COMMD10: variants seen among roughly 807,000 people sequenced by gnomAD.
COMMD10 encodes COMM domain containing 10, also known as COMM domain-containing protein 10.
A neutral mutation model predicts 28.9 loss-of-function variants in COMMD10; 33 were observed. The ratio of observed to expected loss-of-function variants is 1.14; its 90% CI spans 0.87 to 1.53. The LOEUF is 1.53. Among genes scored for constraint, COMMD10 ranks in the 40% most tolerant of loss-of-function variants. The pLI is 0.00. For synonymous variants in COMMD10, 110 were observed against 81.7 expected, an observed-to-expected ratio of 1.35 and a Z score of -1.87; for missense variants, 310 against 233.4, an observed-to-expected ratio of 1.33 and a Z score of -2.14.
chr5:116,160,607 AG>A (rs1202423173), intron 5 of COMMD10, among the ~76,000 whole-genome samples: 1 of 151,736 alleles, frequency 6.6e-6, no homozygotes, highest in African/African-American at 2.4e-5. Context: ...AGCCTAAGGA[AG>A]AACTGCTATC....
At chr5:116,241,698 C>T (rs559029221) in intron 5 of COMMD10, among the ~76,000 whole-genome samples, 258 of 151,896 alleles carry the variant, frequency 1.7e-3, no homozygotes, top group African/African-American at 5.8e-3. Context: ...CTGAATGCTC[C>T]GCCTCCCGGG....
intron 5 of COMMD10, among the ~76,000 whole-genome samples, chr5:116,186,773 A>G (rs1203312298): frequency 2.6e-5 from 4 of 152,300 alleles, no homozygotes; most frequent in African/African-American, 9.6e-5. Flanking sequence ...AGTTCAGTGC[A>G]TCAGTTGTGT....
intron 4 of COMMD10, among the ~76,000 whole-genome samples, chr5:116,104,512 C>T (rs1363203685): frequency 4.6e-5 from 7 of 152,130 alleles, no homozygotes; most frequent in Admixed American, 4.6e-4. Flanking sequence ...TGAGACTTTG[C>T]TGAAGTTGCT....
At chr5:116,226,990 G>A (rs184786189) in intron 5 of COMMD10, among the ~76,000 whole-genome samples, 3 of 152,054 alleles carry the variant, frequency 2.0e-5, no homozygotes, top group Admixed American at 1.3e-4. Context: ...CCCCAGGCCC[G>A]AAGTGTAGAT....
chr5:116,272,538 C>G (rs1236216440), intron 5 of COMMD10, among the ~76,000 whole-genome samples: 1 of 151,828 alleles, frequency 6.6e-6, no homozygotes, highest in Non-Finnish European at 1.5e-5. Flanking sequence ...TCCCAGAACA[C>G]TGTTGCCATA....
At chr5:116,216,483 GTCA>G (rs1749103258) in intron 5 of COMMD10, among the ~76,000 whole-genome samples, 1 of 152,134 alleles carries the variant, frequency 6.6e-6, no homozygotes, top group Non-Finnish European at 1.5e-5. Flanking sequence ...AAACATTACA[GTCA>G]TCAGCAGATG....
chr5:116,198,483 A>G (rs1297613041), intron 5 of COMMD10, among the ~76,000 whole-genome samples: 3 of 152,134 alleles, frequency 2.0e-5, no homozygotes, highest in Non-Finnish European at 2.9e-5. Flanking sequence ...AGTATCCCCT[A>G]TTAGAGTGAT....
At chr5:116,135,826 C>A (rs753247636) in intron 5 of COMMD10, among the ~76,000 whole-genome samples, 1 of 152,196 alleles carries the variant, frequency 6.6e-6, no homozygotes, top group Non-Finnish European at 1.5e-5. Flanking sequence ...TGCATCCCCC[C>A]ACAGTGGGCA....
chr5:116,260,260 T>G (rs1437110814), intron 5 of COMMD10, among the ~76,000 whole-genome samples: 5 of 151,792 alleles, frequency 3.3e-5, no homozygotes, highest in South Asian at 2.1e-4. Context: ...ATTGCTGATG[T>G]TTAATGAATT....
chr5:116,183,095 T>C (rs1748024767), intron 5 of COMMD10, among the ~76,000 whole-genome samples: 1 of 152,118 alleles, frequency 6.6e-6, no homozygotes, highest in African/African-American at 2.4e-5. Context: ...TCGGTATTTC[T>C]TCATAGCAAT....
At chr5:116,234,075 G>A (rs1224912134) in intron 5 of COMMD10, among the ~76,000 whole-genome samples, 2 of 152,154 alleles carry the variant, frequency 1.3e-5, no homozygotes, top group Non-Finnish European at 2.9e-5. Flanking sequence ...GGAAGGAAGA[G>A]GAAGAAAGTG....
intron 5 of COMMD10, among the ~76,000 whole-genome samples, chr5:116,164,129 A>T (rs540515834): frequency 8.1e-4 from 124 of 152,226 alleles, no homozygotes; most frequent in African/African-American, 2.8e-3. Flanking sequence ...CTAGCTCTGC[A>T]AACATGGTAA....
Position 116,092,541 on chromosome 5 carries a change from A to G in COMMD10, c.244-4A>G. 6.5e-7 allele frequency: 1 copy of G among 1,548,848 alleles called. No homozygotes were observed. The highest frequency in any genetic ancestry group is 8.7e-7 in the Non-Finnish European group (1 of 1,147,042). Reference sequence around the variant, plus strand: ...ATATGTAATTTTTTGTTTCTTTTTAATAGGCAGTGTATCACAATGTGAAGC... The same window carrying G: ...ATATGTAATTTTTTGTTTCTTTTTAGTAGGCAGTGTATCACAATGTGAAGC... On this transcript the variant is annotated splice_region_variant and splice_polypyrimidine_tract_variant and intron_variant, in intron 3 of 6. Transcript: ENST00000274458.
Position 116,168,170 on chromosome 5 carries a change from A to AAG in COMMD10, c.510+33993_510+33994insGA, listed in dbSNP as rs1216052697. On this transcript the variant is annotated intron_variant, in intron 5 of 6. Coordinates refer to ENST00000274458, the MANE Select transcript of COMMD10 (RefSeq NM_016144.4). The stretch of plus-strand genomic sequence containing the variant: ...AGAAAATGGAAAGCAAAAAAAAAAA[A>AAG]AAAAGGGATTGCAGTCCTAGTGTCA... 1.5e-3 allele frequency among the ~76,000 whole-genome samples: 221 copies of AAG among 151,842 alleles called. 1 individual carries two copies. The highest frequency in any genetic ancestry group is 5.1e-3 in the African/African-American group (212 of 41,346).
chr5:116,243,253 T>A (rs1749859601), intron 5 of COMMD10, among the ~76,000 whole-genome samples: 1 of 152,118 alleles, frequency 6.6e-6, no homozygotes. Flanking sequence ...CAGACTACAG[T>A]TACAAGAAAG....
intron 1 of COMMD10, among the ~76,000 whole-genome samples, chr5:116,086,048 G>A (rs1750080177): frequency 6.6e-6 from 1 of 152,104 alleles, no homozygotes; most frequent in Non-Finnish European, 1.5e-5. Flanking sequence ...TTGAGCATAG[G>A]GGCTGAAGGG....
At chr5:116,225,886 C>T (rs1000764020) in intron 5 of COMMD10, among the ~76,000 whole-genome samples, 3 of 151,764 alleles carry the variant, frequency 2.0e-5, no homozygotes, top group East Asian at 1.9e-4. Context: ...TTGTTGTCAG[C>T]TAGGAATTTG....
intron 5 of COMMD10, among the ~76,000 whole-genome samples, chr5:116,140,549 C>T (rs369457687): frequency 7.3e-5 from 11 of 151,676 alleles, no homozygotes; most frequent in African/African-American, 1.2e-4. Flanking sequence ...CATCAGTGTA[C>T]GGGGTTCCCT....
Position 116,251,266 on chromosome 5 carries a change from TTTTATTTA to T in COMMD10, c.511-40220_511-40213del, listed in dbSNP as rs139799729. Among the ~76,000 whole-genome samples, 281 of 138,164 alleles carry T rather than the reference TTTTATTTA, an allele frequency of 2.0e-3. 4 individuals carry two copies. The South Asian group carries it at 0.027, about 13-fold the overall frequency. 90.6% of individuals were successfully genotyped at this position (138,164 alleles called of 152,430 possible). A position where few individuals can be genotyped will look rare whatever the true frequency, so the allele number is the denominator to read the frequency against. On this transcript the variant is annotated intron_variant, in intron 5 of 6. Transcript: ENST00000274458. Reference sequence around the variant, plus strand: ...CAAAAATTAAAGCAGACTCTTTTCTTTTTATTTATTTATTTATTTATTTATTTATTTAT... The same window carrying T: ...CAAAAATTAAAGCAGACTCTTTTCTTTTTATTTATTTATTTATTTATTTAT...
Sources: gnomAD v4.1 joint callset for allele counts (sites outside exome capture counted in the v4.1 genomes callset) on GRCh38, gnomAD v4.1.1 for gene constraint, MANE v1.5 for transcripts, NCBI Gene and HGNC (gene_info 2026-07-23, HGNC 2026-07-21) for gene names.